Variants in LBR observed in about 807,000 individuals in gnomAD.
LBR encodes lamin B receptor, also known as delta(14)-sterol reductase LBR.
Under a neutral mutation model 74.3 loss-of-function variants are expected in LBR, and 28 were observed. The observed-to-expected ratio is 0.38, with a 90% CI of 0.28 to 0.52. The LOEUF is 0.52. LBR is among the 20% of genes least tolerant of loss of function. LBR has a pLI of 0.89. For missense variants in LBR, 717 were observed against 760.3 expected (o/e 0.94, Z 0.67); for synonymous variants, 228 against 269.3 (o/e 0.85, Z 1.50).
Position 225,411,340 on chromosome 1 carries a change from T to C in LBR, c.1185A>G (p.Gly395=). The change falls in exon 9 of 14, where the codon GGA becomes GGG. Residue 395 remains glycine (G), a synonymous_variant. Transcript: ENST00000272163. ...YFCELRPGLI[G]WVVINLVMLL... is the part of the protein sequence containing the mutation. ...GAAGAAAAAAAACCAGACATACCCA[T>C]CCAATCAATCCGGGGCGCAATTCAC... is the stretch of plus-strand genomic sequence containing the variant. The C allele has an allele frequency of 1.2e-6, 2 of 1,608,964 alleles. No homozygotes were observed. The highest frequency in any genetic ancestry group is 1.7e-6 in the Non-Finnish European group (2 of 1,175,292).
At chr1:225,424,423 T>C (rs141133550) in intron 1 of LBR, among the ~76,000 whole-genome samples, 60 of 152,364 alleles carry the variant, frequency 3.9e-4, no homozygotes, top group Admixed American at 1.2e-3. Context: ...CATTTGTAAA[T>C]TTGCGTATCA....
chr1:225,423,820 G>A (rs2096133225), intron 2 of LBR, 91 bp downstream of exon 2: 7 of 1,266,824 alleles, frequency 5.5e-6, no homozygotes, highest in Non-Finnish European at 8.0e-6. Flanking sequence ...TTCAAACCGA[G>A]CTGAACTGAC....
intron 2 of LBR, 88 bp downstream of exon 2, chr1:225,423,823 G>T: frequency 1.5e-6 from 2 of 1,307,074 alleles, no homozygotes; most frequent in Non-Finnish European, 2.2e-6. Context: ...AAACCGAGCT[G>T]AACTGACTAT....
rs2096083788 is a variant in LBR at position 225,402,658 on chromosome 1, GAA to G, written c.*643_*644del. 2 of 152,652 alleles carry G rather than the reference GAA, an allele frequency of 1.3e-5. No homozygotes were observed. The highest frequency in any genetic ancestry group is 4.1e-4 in the South Asian group (2 of 4,828). The allele number at this position is 152,652 out of a possible 1,614,324, so 9.5% of individuals were successfully genotyped here. ...TTCAAAATACTGTACAAAAAAATCTGAAGTCACCATATATTACAAAAAACTAA... is the reference window on the plus strand; with the variant it reads ...TTCAAAATACTGTACAAAAAAATCTGGTCACCATATATTACAAAAAACTAA... On this transcript the variant is annotated 3_prime_UTR_variant, in exon 14 of 14. Coordinates refer to ENST00000272163, the MANE Select transcript of LBR (RefSeq NM_002296.4).
rs372835659 is a variant in LBR at position 225,417,999 on chromosome 1, T to C, written c.822A>G (p.Leu274=). The C allele has an allele frequency of 6.2e-6, 10 of 1,613,882 alleles. No individual in the cohort carries two copies. The highest frequency in any genetic ancestry group is 1.6e-4 in the Middle Eastern group (1 of 6,084). The change falls in exon 6 of 14, where the codon CTA becomes CTG. Residue 274 remains leucine (L), a synonymous_variant. Transcript: ENST00000272163. The part of the protein sequence containing the change: ...LWFLIQVLFY[L]LPIGKVVEGT... ...ATAAACGTACCTTTCCAATTGGCAGTAGGTAGAACAGGACTTGAATCAAAA... is the reference window on the plus strand; with the variant it reads ...ATAAACGTACCTTTCCAATTGGCAGCAGGTAGAACAGGACTTGAATCAAAA...
intron 2 of LBR, 99 bp from the exon 3 acceptor site, chr1:225,422,376 A>G (rs2096129330): frequency 6.5e-6 from 6 of 923,896 alleles, no homozygotes; most frequent in South Asian, 2.8e-5. Context: ...AACTGCTACC[A>G]TTAACTCTAA....
At chr1:225,404,304 C>T in intron 13 of LBR, 100 bp downstream of exon 13, 1 of 1,540,556 alleles carries the variant, frequency 6.5e-7, no homozygotes, top group Admixed American at 1.7e-5. Context: ...GACAAAAAGA[C>T]TCACACCCAC....
At chr1:225,418,465 T>C (rs190281658) in intron 5 of LBR, among the ~76,000 whole-genome samples, 8 of 151,890 alleles carry the variant, frequency 5.3e-5, no homozygotes, top group Admixed American at 3.3e-4. Context: ...TCTAAAACAT[T>C]TGACCTCCAA....
At chr1:225,419,537 C>T (rs2096123813) in intron 4 of LBR, 85 bp from the exon 5 acceptor site, 4 of 1,008,418 alleles carry the variant, frequency 4.0e-6, no homozygotes, top group South Asian at 1.4e-5. Flanking sequence ...CATCTCAATA[C>T]AGCTATACAC....
chr1:225,415,798 A>T (rs1369144118), intron 6 of LBR, among the ~76,000 whole-genome samples: 1 of 152,272 alleles, frequency 6.6e-6, no homozygotes, highest in East Asian at 1.9e-4. Context: ...CTATGACCCA[A>T]GTGCTATTTG....
At chr1:225,403,801 A>C (rs1333687650) in intron 13 of LBR, among the ~76,000 whole-genome samples, 1 of 152,088 alleles carries the variant, frequency 6.6e-6, no homozygotes, top group African/African-American at 2.4e-5. Context: ...CTGGGCCACC[A>C]AACAGGCAGC....
At chr1:225,409,838 T>C (rs2096100992) in intron 10 of LBR, among the ~76,000 whole-genome samples, 1 of 152,242 alleles carries the variant, frequency 6.6e-6, no homozygotes, top group South Asian at 2.1e-4. Context: ...CATCTTGATT[T>C]CTGATTTTAC....
chr1:225,404,353 A>G, intron 13 of LBR, 51 bp downstream of exon 13: 7 of 1,612,008 alleles, frequency 4.3e-6, no homozygotes, highest in Non-Finnish European at 5.1e-6. Context: ...ACACACACAC[A>G]TCTTTCTGGC....
Position 225,411,353 on chromosome 1 carries a change from G to A in LBR, c.1172C>T (p.Pro391Leu), listed in dbSNP as rs1164592698. The change falls in exon 9 of 14, where the codon CCC (proline) becomes CTC (leucine). Residue 391 changes from proline to leucine, a missense_variant. Coordinates refer to ENST00000272163, the MANE Select transcript of LBR (RefSeq NM_002296.4). ...FDLKYFCELR[P>L]GLIGWVVINL... ...CAGACATACCCATCCAATCAATCCG[G>A]GGCGCAATTCACAAAAGTATTTGAG... is the stretch of plus-strand genomic sequence containing the variant. The A allele has an allele frequency of 6.2e-7, 1 of 1,613,020 alleles. No homozygotes were observed. Among genetic ancestry groups the A allele is most frequent in the Admixed American group, 1.7e-5 (1 of 60,012 alleles).
At chr1:225,423,013 T>G (rs1210801833) in intron 2 of LBR, among the ~76,000 whole-genome samples, 1 of 152,218 alleles carries the variant, frequency 6.6e-6, no homozygotes, top group Non-Finnish European at 1.5e-5. Flanking sequence ...TCTAAAATAT[T>G]TACTTTCTGT....
intron 11 of LBR, 47 bp from the exon 12 acceptor site, chr1:225,404,753 T>A (rs1294570601): frequency 8.2e-7 from 1 of 1,226,880 alleles, no homozygotes; most frequent in Non-Finnish European, 1.2e-6. Flanking sequence ...AGTTATACTC[T>A]AATGCTTAAT....
intron 11 of LBR, 38 bp from the exon 12 acceptor site, chr1:225,404,744 G>A (rs1275306594): frequency 1.5e-6 from 2 of 1,345,252 alleles, no homozygotes; most frequent in Non-Finnish European, 1.1e-6. Flanking sequence ...TAATAACTTA[G>A]TTATACTCTA....
chr1:225,421,276 G>A (rs910764216), intron 3 of LBR, among the ~76,000 whole-genome samples: 1 of 152,202 alleles, frequency 6.6e-6, no homozygotes, highest in African/African-American at 2.4e-5. Context: ...GGTGGATCAC[G>A]AGGTCAGGAA....
chr1:225,414,309 CG>C (rs1030988801), intron 7 of LBR: 4 of 346,718 alleles, frequency 1.2e-5, no homozygotes, highest in African/African-American at 8.6e-5. Flanking sequence ...GTAGATGCTG[CG>C]TAAGTCTCTA....
Sources: gnomAD v4.1 joint callset for allele counts (sites outside exome capture counted in the v4.1 genomes callset) on GRCh38, gnomAD v4.1.1 for gene constraint, MANE v1.5 for transcripts, NCBI Gene and HGNC (gene_info 2026-07-23, HGNC 2026-07-21) for gene names.